The following DNASE2B variants were observed in gnomAD, a reference collection of about 807,000 sequenced individuals.
DNASE2B encodes deoxyribonuclease-2-beta.
DNASE2B carries 43 observed loss-of-function variants against 46.0 expected under a neutral mutation model. The observed-to-expected ratio is 0.94, with a 90% CI of 0.73 to 1.21. The LOEUF is 1.21. Ranked by LOEUF, DNASE2B falls within the 50% of genes most tolerant of loss-of-function variation. The pLI, the probability that DNASE2B is intolerant of heterozygous loss-of-function variation, is 0.00. For missense variants in DNASE2B, 395 were observed against 414.4 expected (o/e 0.95, Z 0.41); for synonymous variants, 156 against 152.5 (o/e 1.02, Z -0.17).
In DNASE2B at chr1:84,405,396, A is replaced by G. The variant is rs554674612; in HGVS notation, c.304-3041A>G. Among the ~76,000 whole-genome samples, 42 of 152,312 alleles carry G rather than the reference A, an allele frequency of 2.8e-4. No individual in the cohort carries two copies. In the South Asian group the frequency reaches 8.5e-3, roughly 31 times the overall value. ...CATAGCTGCAGTGAGGGCTTCACAA[A>G]TTTCCTTTTCTTTTTTCACAATGGC... On this transcript the variant is annotated intron_variant, in intron 2 of 5. Transcript: ENST00000370665.
At chr1:84,403,097 T>A (rs111902908) in intron 2 of DNASE2B, among the ~76,000 whole-genome samples, 1 of 152,196 alleles carries the variant, frequency 6.6e-6, no homozygotes, top group African/African-American at 2.4e-5. Context: ...TTTGAGAACA[T>A]GTGATGTGCC....
At chr1:84,411,424 G>GA (rs1680589585) in intron 4 of DNASE2B, among the ~76,000 whole-genome samples, 1 of 94,308 alleles carries the variant, frequency 1.1e-5, no homozygotes, top group African/African-American at 4.5e-5. Context: ...CAGAAACCTA[G>GA]GGTGTGTGTG....
chr1:84,403,136 T>A (rs887385922), intron 2 of DNASE2B, among the ~76,000 whole-genome samples: 14 of 152,218 alleles, frequency 9.2e-5, no homozygotes, highest in Non-Finnish European at 1.8e-4. Flanking sequence ...TTTTCAAAAT[T>A]ATTTGTCTCA....
intron 4 of DNASE2B, among the ~76,000 whole-genome samples, chr1:84,411,282 G>A (rs1680586746): frequency 6.6e-6 from 1 of 152,122 alleles, no homozygotes; most frequent in Non-Finnish European, 1.5e-5. Flanking sequence ...CATGTTACAT[G>A]GGAAGTGAGG....
At chr1:84,414,424 C>T (rs1680656424) in intron 5 of DNASE2B, 104 bp from the exon 6 acceptor site, 2 of 961,766 alleles carry the variant, frequency 2.1e-6, no homozygotes, top group African/African-American at 1.6e-5. Flanking sequence ...CTCGTGACAT[C>T]CACATATCAG....
chr1:84,408,527 A>C lies in DNASE2B; in HGVS notation c.385+9A>C. ...GTATGGACACACCAAAGGTATGACA[A>C]AGATTCTTGGTTTCTCTTTCCTACT... is the stretch of plus-strand genomic sequence containing the variant. On this transcript the variant is annotated intron_variant, in intron 3 of 5. Transcript: ENST00000370665. 6.2e-7 allele frequency: 1 copy of C among 1,604,678 alleles called. No homozygotes were observed. Among genetic ancestry groups the C allele is most frequent in the Admixed American group, 1.7e-5 (1 of 58,570 alleles).
chr1:84,410,689 C>A, intron 3 of DNASE2B, 149 bp from the exon 4 acceptor site: 1 of 809,308 alleles, frequency 1.2e-6, no homozygotes, highest in Non-Finnish European at 1.9e-6. Flanking sequence ...TATTTGAAAT[C>A]TTTGAAAAAT....
chr1:84,400,058 A>G (rs1046389969), intron 1 of DNASE2B, among the ~76,000 whole-genome samples: 2 of 152,140 alleles, frequency 1.3e-5, no homozygotes, highest in African/African-American at 2.4e-5. Flanking sequence ...AGTAGGAGAA[A>G]GGGAGATGTT....
rs76042396 is a variant in DNASE2B at position 84,414,744 on chromosome 1, G to A, written c.962G>A (p.Cys321Tyr). The change falls in exon 6 of 6, where the codon TGT becomes TAT. Residue 321 changes from cysteine (C) to tyrosine (Y), a missense_variant. Physicochemically the swap from Cys to Tyr is radical, Grantham distance 194. Transcript: ENST00000370665. ...AAGGGCACCAAAAATCGCTGGACATGTATTGGAGACCTAAATCGGAGTCCA... is the reference window on the plus strand; with the variant it reads ...AAGGGCACCAAAAATCGCTGGACATATATTGGAGACCTAAATCGGAGTCCA... ...SQKGTKNRWT[C>Y]IGDLNRSPHQ... 5.9e-3 allele frequency: 9,488 copies of A among 1,614,168 alleles called. 509 individuals are homozygous for A. In the African/African-American group the frequency reaches 0.11, roughly 19 times the overall value.
chr1:84,399,420 G>A (rs1423108953), intron 1 of DNASE2B, among the ~76,000 whole-genome samples: 2 of 152,146 alleles, frequency 1.3e-5, no homozygotes, highest in Non-Finnish European at 2.9e-5. Flanking sequence ...GCTCAACAGA[G>A]GTCTGTGTGG....
intron 2 of DNASE2B, among the ~76,000 whole-genome samples, chr1:84,407,523 T>C (rs779347690): frequency 2.0e-5 from 3 of 152,154 alleles, no homozygotes; most frequent in East Asian, 1.9e-4. Context: ...GGCTTCTTCA[T>C]TGAATTTGTT....
Position 84,408,531 on chromosome 1 carries a change from T to C in DNASE2B, c.385+13T>C. ...GGACACACCAAAGGTATGACAAAGATTCTTGGTTTCTCTTTCCTACTGGAA... is the reference window on the plus strand; with the variant it reads ...GGACACACCAAAGGTATGACAAAGACTCTTGGTTTCTCTTTCCTACTGGAA... On this transcript the variant is annotated intron_variant, in intron 3 of 5. Transcript: ENST00000370665. 6.2e-7 allele frequency: 1 copy of C among 1,602,590 alleles called. No homozygotes were observed.
At position 84,414,828 on chromosome 1, in the gene DNASE2B, C is replaced by A. The variant is rs147325752; in HGVS notation, c.1046C>A (p.Ala349Glu). The A allele has an allele frequency of 9.9e-6, 16 of 1,614,110 alleles. No homozygotes were observed. Among genetic ancestry groups the A allele is most frequent in the Non-Finnish European group, 1.3e-5 (15 of 1,179,994 alleles). The change falls in exon 6 of 6, where the codon GCA becomes GAA. Residue 349 changes from alanine to glutamate, a missense_variant. By Grantham distance (107) the Ala-to-Glu change is moderately radical. Coordinates refer to ENST00000370665, the MANE Select transcript of DNASE2B (RefSeq NM_021233.3). ...ACCCAGAATTGGCAAATTTACCAAGCATTTCAAGGATTAGTATTATACTAT... is the reference window on the plus strand; with the variant it reads ...ACCCAGAATTGGCAAATTTACCAAGAATTTCAAGGATTAGTATTATACTAT... ...ICTQNWQIYQ[A>E]FQGLVLYYES...
chr1:84,408,386 C>T lies in DNASE2B; in HGVS notation c.304-51C>T, dbSNP rs564558511. 20 of 1,548,122 alleles carry T rather than the reference C, an allele frequency of 1.3e-5. No individual in the cohort carries two copies. The Admixed American group carries it at 2.1e-4, about 17-fold the overall frequency. ...GGGTAGCTGGTAGAAATGTTGTGGG[C>T]GTTTGTAAGTGGAAGATTTACGCCA... On this transcript the variant is annotated intron_variant, in intron 2 of 5. Coordinates refer to ENST00000370665, the MANE Select transcript of DNASE2B (RefSeq NM_021233.3).
chr1:84,408,500 A>C lies in DNASE2B; in HGVS notation c.367A>C (p.Lys123Gln), dbSNP rs1019344584. The change falls in exon 3 of 6, where the codon AAG becomes CAG. Residue 123 changes from lysine (K) to glutamine (Q), a missense_variant. Transcript: ENST00000370665. ...CCCTAAACCTGTGAATTACAGCAGA[A>C]AGTATGGACACACCAAAGGTATGAC... ...GVPKPVNYSRKYGHTKGLLLW... is the reference protein window; with the variant it reads ...GVPKPVNYSRQYGHTKGLLLW... The C allele has an allele frequency of 8.1e-6, 13 of 1,610,662 alleles. 1 individual carries two copies. The Middle Eastern group carries it at 1.7e-3, about 205-fold the overall frequency.
Position 84,412,346 on chromosome 1 carries a change from C to T in DNASE2B, c.548-3C>T, listed in dbSNP as rs746512996. ...AACTTTTCTTTACTGTTTCTTGATTCAGATTCTCAGCTCTTGGTCTGCAAC... is the reference window on the plus strand; with the variant it reads ...AACTTTTCTTTACTGTTTCTTGATTTAGATTCTCAGCTCTTGGTCTGCAAC... On this transcript the variant is annotated splice_region_variant and splice_polypyrimidine_tract_variant and intron_variant, in intron 4 of 5. Coordinates refer to ENST00000370665, the MANE Select transcript of DNASE2B (RefSeq NM_021233.3). The T allele has an allele frequency of 6.6e-7, 1 of 1,520,708 alleles. No homozygotes were observed. Among genetic ancestry groups the T allele is most frequent in the South Asian group, 1.3e-5 (1 of 76,296 alleles). 94.2% of individuals were successfully genotyped at this position (1,520,708 alleles called of 1,614,324 possible). A position where few individuals can be genotyped will look rare whatever the true frequency, so the allele number is the denominator to read the frequency against.
chr1:84,413,964 CTT>C (rs773115070), intron 5 of DNASE2B, among the ~76,000 whole-genome samples: 4 of 152,204 alleles, frequency 2.6e-5, no homozygotes, highest in Admixed American at 6.5e-5. Context: ...TCTCCAAACT[CTT>C]TGCCACTGCC....
intron 1 of DNASE2B, 111 bp downstream of exon 1, chr1:84,398,800 C>T (rs2101845492): frequency 6.9e-7 from 1 of 1,459,054 alleles, no homozygotes; most frequent in Non-Finnish European, 9.3e-7. Flanking sequence ...CCTCCCTTTA[C>T]AAATAAAGGA....
rs1570307880 is a variant in DNASE2B, at chr1:84,412,820, A to C, written c.745+274A>C. 2.0e-5 allele frequency among the ~76,000 whole-genome samples: 3 copies of C among 151,684 alleles called. 1 individual carries two copies. In the Middle Eastern group the frequency reaches 0.01, roughly 519 times the overall value. On this transcript the variant is annotated intron_variant, in intron 5 of 5. Transcript: ENST00000370665. ...GGCCATAGCCATCTCCATTTCTTCCATTCCCTGAGTGGTTATTTTAAGCCT... is the reference window on the plus strand; with the variant it reads ...GGCCATAGCCATCTCCATTTCTTCCCTTCCCTGAGTGGTTATTTTAAGCCT...
Sources: gnomAD v4.1 joint callset for allele counts (sites outside exome capture counted in the v4.1 genomes callset) on GRCh38, gnomAD v4.1.1 for gene constraint, MANE v1.5 for transcripts, NCBI Gene and HGNC (gene_info 2026-07-23, HGNC 2026-07-21) for gene names.